The following MYSM1 variants were observed in gnomAD, a reference collection of about 807,000 sequenced individuals.
MYSM1 encodes deubiquitinase MYSM1.
MYSM1 carries 51 observed loss-of-function variants against 116.0 expected under a neutral mutation model. That is an observed-to-expected ratio of 0.44 (90% CI 0.35 to 0.56). MYSM1 has a LOEUF of 0.56. Among genes scored for constraint, MYSM1 ranks in the 20% least tolerant of loss-of-function variants. The pLI, the probability that MYSM1 is intolerant of heterozygous loss-of-function variation, is 0.00. For synonymous variants in MYSM1, 313 were observed against 315.2 expected, an observed-to-expected ratio of 0.99 and a Z score of 0.07; for missense variants, 900 against 974.9, an observed-to-expected ratio of 0.92 and a Z score of 1.02.
chr1:58,684,902 G>A (rs2100657875), intron 7 of MYSM1, among the ~76,000 whole-genome samples: 1 of 152,180 alleles, frequency 6.6e-6, no homozygotes, highest in Admixed American at 6.5e-5. Flanking sequence ...TTGCTTTATA[G>A]TATATTTTTG....
At chr1:58,678,259 T>A (rs1345309092) in intron 8 of MYSM1, among the ~76,000 whole-genome samples, 1 of 152,080 alleles carries the variant, frequency 6.6e-6, no homozygotes, top group Admixed American at 6.5e-5. Context: ...ACACCTTCCA[T>A]AGAAACGTTG....
chr1:58,692,837 T>G (rs773173602), intron 3 of MYSM1, 24 bp downstream of exon 3: 11 of 1,576,330 alleles, frequency 7.0e-6, no homozygotes, highest in Non-Finnish European at 9.5e-6. Flanking sequence ...AACCTGTACT[T>G]TCCTCATAAT....
intron 6 of MYSM1, 151 bp from the exon 7 acceptor site, chr1:58,685,402 T>A (rs1478526028): frequency 1.5e-5 from 7 of 482,590 alleles, no homozygotes; most frequent in Non-Finnish European, 2.2e-5. Flanking sequence ...TAGACTATGC[T>A]CTTAAAATCA....
Position 58,698,102 on chromosome 1 carries a change from A to ATTTTTTTTTTTTTTTTT in MYSM1, c.68+1882_68+1883insAAAAAAAAAAAAAAAAA, listed in dbSNP as rs1553140002. On this transcript the variant is annotated intron_variant, in intron 1 of 19. Transcript: ENST00000472487. ...TATCAGACTATATATATATATATAT[A>ATTTTTTTTTTTTTTTTT]TTTTTTTTTTTTTTTTGAGACAGAG... 1.7e-3 allele frequency among the ~76,000 whole-genome samples: 13 copies of ATTTTTTTTTTTTTTTTT among 7,768 alleles called. 1 individual carries two copies. The highest frequency in any genetic ancestry group is 2.3e-3 in the African/African-American group (9 of 3,892). The allele number at this position is 7,768 out of a possible 152,430, so 5.1% of individuals were successfully genotyped here. A position where few individuals can be genotyped will look rare whatever the true frequency, so the allele number is the denominator to read the frequency against.
chr1:58,697,790 T>C lies in MYSM1; in HGVS notation c.68+2195A>G, dbSNP rs181838027. 3.5e-3 allele frequency among the ~76,000 whole-genome samples: 531 copies of C among 151,456 alleles called. 5 individuals are homozygous for C. The highest frequency in any genetic ancestry group is 0.012 in the African/African-American group (515 of 41,306). On this transcript the variant is annotated intron_variant, in intron 1 of 19. Transcript: ENST00000472487. ...TTTTAGTAGAGACGGGGTTTCTCCA[T>C]GTTGGTCAGGCTGATCTCGAACTCC... is the stretch of plus-strand genomic sequence containing the variant.
At chr1:58,688,193 C>G (rs1644856216) in intron 6 of MYSM1, among the ~76,000 whole-genome samples, 2 of 151,336 alleles carry the variant, frequency 1.3e-5, no homozygotes, top group Non-Finnish European at 2.9e-5. Flanking sequence ...GAATATCATA[C>G]AGTATACAGA....
At chr1:58,673,195 T>C (rs917943128) in intron 11 of MYSM1, among the ~76,000 whole-genome samples, 14 of 147,220 alleles carry the variant, frequency 9.5e-5, no homozygotes, top group African/African-American at 3.2e-4. Flanking sequence ...TTACAAAAAA[T>C]ATATATATTT....
intron 8 of MYSM1, among the ~76,000 whole-genome samples, chr1:58,678,592 C>T (rs139194699): frequency 1.3e-5 from 2 of 152,236 alleles, no homozygotes; most frequent in East Asian, 3.9e-4. Flanking sequence ...TAAAAATCTG[C>T]CCTCATGTTG....
At position 58,682,462 on chromosome 1, in the gene MYSM1, C is replaced by T. The variant is rs377468984; in HGVS notation, c.582G>A (p.Lys194=). 7 of 1,614,074 alleles carry T rather than the reference C, an allele frequency of 4.3e-6. No individual in the cohort carries two copies. Among genetic ancestry groups the T allele is most frequent in the Non-Finnish European group, 5.9e-6 (7 of 1,180,012 alleles). The change falls in exon 8 of 20, where the codon AAG becomes AAA. Residue 194 remains lysine (K), a synonymous_variant. Coordinates refer to ENST00000472487, the MANE Select transcript of MYSM1 (RefSeq NM_001085487.3). ...LQVKNEDKGT[K]AWTPSCLRGR... ...CCCTTAAACATGATGGTGTCCATGC[C>T]TTTGTCCCTTTATCTTCATTTTTAA...
rs187292536 is a variant in MYSM1 at position 58,687,351 on chromosome 1, T to A, written c.399+1687A>T. Among the ~76,000 whole-genome samples, 553 of 152,250 alleles carry A rather than the reference T, an allele frequency of 3.6e-3. 5 individuals carry two copies. The highest frequency in any genetic ancestry group is 0.012 in the African/African-American group (496 of 41,530). On this transcript the variant is annotated intron_variant, in intron 6 of 19. Transcript: ENST00000472487. ...ACTGGTTACCCCGGGCGAAGCGAAC[T>A]GAAGGCTAAGATGAGAGTGAGAAGA... is the stretch of plus-strand genomic sequence containing the variant.
At position 58,656,399 on chromosome 1, in the gene MYSM1, GGAGT is replaced by G. The variant is rs1431850126; in HGVS notation, c.*3594_*3597del. On this transcript the variant is annotated 3_prime_UTR_variant, in exon 20 of 20. Transcript: ENST00000472487. ...TATATGCTGAGAAGTAAGAATGCAGGGAGTGATGATGAAGGAAAGGGTTTGTGGG... is the reference window on the plus strand; with the variant it reads ...TATATGCTGAGAAGTAAGAATGCAGGGATGATGAAGGAAAGGGTTTGTGGG... The G allele has an allele frequency of 6.6e-6, 1 of 152,200 alleles. No homozygotes were observed. The highest frequency in any genetic ancestry group is 2.4e-5 in the African/African-American group (1 of 41,450). 9.4% of individuals were successfully genotyped at this position (152,200 alleles called of 1,614,324 possible).
intron 16 of MYSM1, among the ~76,000 whole-genome samples, chr1:58,665,874 T>C (rs1644461407): frequency 6.6e-6 from 1 of 152,022 alleles, no homozygotes; most frequent in East Asian, 1.9e-4. Context: ...CTGGCCAACA[T>C]GGTGAAACCC....
In MYSM1 at chr1:58,676,978, A is replaced by G; in HGVS notation, c.1338T>C (p.Ile446=). 3 of 1,612,504 alleles carry G rather than the reference A, an allele frequency of 1.9e-6. No individual in the cohort carries two copies. The highest frequency in any genetic ancestry group is 2.5e-6 in the Non-Finnish European group (3 of 1,179,336). The change falls in exon 9 of 20, where the codon ATT becomes ATC. Residue 446 remains isoleucine, a synonymous_variant. Coordinates refer to ENST00000472487, the MANE Select transcript of MYSM1 (RefSeq NM_001085487.3). ...GLKNCGDVNC[I]GRIHTYLELI... is the part of the protein sequence containing the mutation. The stretch of plus-strand genomic sequence containing the variant: ...ATTCGAGGTATGTATGAATCCGTCC[A>G]ATACAATTAACATCTCCACAGTTCT...
At chr1:58,697,489 A>G (rs138938373) in intron 1 of MYSM1, among the ~76,000 whole-genome samples, 2 of 152,310 alleles carry the variant, frequency 1.3e-5, no homozygotes, top group African/African-American at 4.8e-5. Flanking sequence ...TGGTCAGTGA[A>G]TCAAAGTCCA....
intron 17 of MYSM1, 26 bp downstream of exon 17, chr1:58,665,473 T>C (rs1209311975): frequency 3.3e-6 from 5 of 1,538,450 alleles, no homozygotes; most frequent in African/African-American, 1.4e-5. Context: ...AGAAAGAGGA[T>C]AAAGTTATTT....
At chr1:58,693,975 T>C (rs1022885335) in intron 2 of MYSM1, among the ~76,000 whole-genome samples, 1 of 152,200 alleles carries the variant, frequency 6.6e-6, no homozygotes, top group African/African-American at 2.4e-5. Flanking sequence ...TTTCCCACCA[T>C]ATTCTAGACA....
At chr1:58,665,373 G>T in intron 17 of MYSM1, 126 bp downstream of exon 17, 1 of 702,098 alleles carries the variant, frequency 1.4e-6, no homozygotes, top group Non-Finnish European at 2.3e-6. Context: ...CCCAAATAAT[G>T]ATTCCCTAGT....
At chr1:58,695,447 T>C (rs1031616483) in intron 1 of MYSM1, among the ~76,000 whole-genome samples, 1 of 152,198 alleles carries the variant, frequency 6.6e-6, no homozygotes, top group Non-Finnish European at 1.5e-5. Context: ...GACTGCTCAC[T>C]TCTTTTGGTT....
Position 58,658,503 on chromosome 1 carries a change from T to C in MYSM1, c.*1494A>G, listed in dbSNP as rs1322810993. On this transcript the variant is annotated 3_prime_UTR_variant, in exon 20 of 20. Coordinates refer to ENST00000472487, the MANE Select transcript of MYSM1 (RefSeq NM_001085487.3). The stretch of plus-strand genomic sequence containing the variant: ...GAATTAAGGCTCAGGGAAAGTAAAC[T>C]GTATCTCCCCAAATCACAAAGTTGA... The C allele has an allele frequency of 6.6e-6, 1 of 152,168 alleles. No individual in the cohort carries two copies. The highest frequency in any genetic ancestry group is 1.9e-4 in the East Asian group (1 of 5,204). The allele number at this position is 152,168 out of a possible 1,614,324, so 9.4% of individuals were successfully genotyped here.
Sources: gnomAD v4.1 joint callset for allele counts (sites outside exome capture counted in the v4.1 genomes callset) on GRCh38, gnomAD v4.1.1 for gene constraint, MANE v1.5 for transcripts, NCBI Gene and HGNC (gene_info 2026-07-23, HGNC 2026-07-21) for gene names.